The following KIAA0319L variants were observed in gnomAD, a reference collection of about 807,000 sequenced individuals.
KIAA0319L encodes dyslexia-associated protein KIAA0319-like protein.
A neutral mutation model predicts 120.1 loss-of-function variants in KIAA0319L; 55 were observed. That is an observed-to-expected ratio of 0.46 (90% CI 0.37 to 0.57). The LOEUF (loss-of-function observed/expected upper bound fraction) is 0.57. KIAA0319L is among the 20% of genes least tolerant of loss of function. The pLI, the probability that KIAA0319L is intolerant of heterozygous loss-of-function variation, is 0.00. For synonymous variants in KIAA0319L, 398 were observed against 471.9 expected, an observed-to-expected ratio of 0.84 and a Z score of 2.03; for missense variants, 1,049 against 1,255.3, an observed-to-expected ratio of 0.84 and a Z score of 2.48.
chr1:35,460,353 G>T lies in KIAA0319L; in HGVS notation c.1379C>A (p.Thr460Lys), dbSNP rs761069262. ...PLREEKISED[T>K]AILKLSKLVP... ...GAGTTTACTTAGTTTTAATATGGCT[G>T]TATCTTCAGAAATCTTCTCTTCTCT... The change falls in exon 9 of 21, where the codon ACA (threonine) becomes AAA (lysine). Residue 460 changes from threonine (T) to lysine (K), a missense_variant. Physicochemically the swap from Thr to Lys is moderately conservative, Grantham distance 78. Coordinates refer to ENST00000325722, the MANE Select transcript of KIAA0319L (RefSeq NM_024874.5). 4 of 1,612,712 alleles carry T rather than the reference G, an allele frequency of 2.5e-6. No homozygotes were observed. Among genetic ancestry groups the T allele is most frequent in the Non-Finnish European group, 3.4e-6 (4 of 1,178,904 alleles).
intron 3 of KIAA0319L, among the ~76,000 whole-genome samples, chr1:35,484,781 TATATATATATATATATATATA>T (rs1221963241): frequency 2.2e-5 from 1 of 45,458 alleles, no homozygotes; most frequent in Admixed American, 2.7e-4. Context: ...TATATATATA[TATATATATATATATATATATA>T]TATATTTTTT....
Position 35,509,153 on chromosome 1 carries a change from T to C in KIAA0319L, c.143-2018A>G, listed in dbSNP as rs1645323745. 2.0e-5 allele frequency among the ~76,000 whole-genome samples: 3 copies of C among 152,052 alleles called. 1 individual carries two copies. The South Asian group carries it at 6.2e-4, about 32-fold the overall frequency. On this transcript the variant is annotated intron_variant, in intron 2 of 20. Coordinates refer to ENST00000325722, the MANE Select transcript of KIAA0319L (RefSeq NM_024874.5). ...AAGGCAAGCATAACAGGGCAGTTGC[T>C]AAATTGAGGAGACGGAGTTCAGGGT...
At chr1:35,465,086 G>A (rs1308923661) in intron 7 of KIAA0319L, among the ~76,000 whole-genome samples, 1 of 152,238 alleles carries the variant, frequency 6.6e-6, no homozygotes, top group Non-Finnish European at 1.5e-5. Context: ...GAAATATGGG[G>A]TTGGAGGCCC....
chr1:35,480,322 G>C (rs1162789389), intron 3 of KIAA0319L, among the ~76,000 whole-genome samples: 2 of 152,196 alleles, frequency 1.3e-5, no homozygotes, highest in Non-Finnish European at 2.9e-5. Context: ...TTTAAGGGTT[G>C]TATGCAAGGA....
chr1:35,550,725 T>A lies in KIAA0319L; in HGVS notation c.142+3625A>T, dbSNP rs577364695. On this transcript the variant is annotated intron_variant, in intron 2 of 20. Transcript: ENST00000325722. ...AGCATTTTCCCGTGTACTTTTTTTT[T>A]AAATTATTAAACATTTTTTAATTCT... Among the ~76,000 whole-genome samples the A allele has an allele frequency of 1.3e-4, 20 of 152,270 alleles. No individual in the cohort carries two copies. In the East Asian group the frequency reaches 2.3e-3, roughly 18 times the overall value.
Position 35,466,696 on chromosome 1 carries a change from C to T in KIAA0319L, c.1114-1G>A. Reference sequence around the variant, plus strand: ...TGAATTCATACAGGCCTGGAGTGAGCTGCAGAAGTGAGAGAAGATCTCTTA... The same window carrying T: ...TGAATTCATACAGGCCTGGAGTGAGTTGCAGAAGTGAGAGAAGATCTCTTA... On this transcript the variant is annotated splice_acceptor_variant, in intron 6 of 20. Coordinates refer to ENST00000325722, the MANE Select transcript of KIAA0319L (RefSeq NM_024874.5). LOFTEE classifies it high-confidence loss of function. 6.2e-7 allele frequency: 1 copy of T among 1,602,106 alleles called. No homozygotes were observed. The highest frequency in any genetic ancestry group is 8.6e-7 in the Non-Finnish European group (1 of 1,169,232).
chr1:35,547,592 G>A (rs1052314857), intron 2 of KIAA0319L, among the ~76,000 whole-genome samples: 3 of 152,140 alleles, frequency 2.0e-5, no homozygotes, highest in Non-Finnish European at 4.4e-5. Flanking sequence ...GCTAGGATAT[G>A]GATGAACCTT....
At position 35,474,823 on chromosome 1, in the gene KIAA0319L, GA is replaced by G; in HGVS notation, c.996del (p.Leu333SerfsTer16). On this transcript the variant is annotated frameshift_variant, in exon 5 of 21. Coordinates refer to ENST00000325722, the MANE Select transcript of KIAA0319L (RefSeq NM_024874.5). LOFTEE classifies it high-confidence loss of function. ...PKNEVQLNAY[V>X]LQEPPKGETY... ...TGTTTACCTTTAGGTGGTTCTTGGA[GA>G]ACATATGCATTTAATTGAACTTCAT... is the stretch of plus-strand genomic sequence containing the variant. The G allele has an allele frequency of 6.2e-7, 1 of 1,602,650 alleles. No homozygotes were observed. The highest frequency in any genetic ancestry group is 8.5e-7 in the Non-Finnish European group (1 of 1,170,016).
At chr1:35,523,824 A>G (rs555857246) in intron 2 of KIAA0319L, among the ~76,000 whole-genome samples, 7 of 152,358 alleles carry the variant, frequency 4.6e-5, no homozygotes, top group Admixed American at 1.3e-4. Flanking sequence ...GTCTCAAAAT[A>G]TTCTATCTAA....
At chr1:35,531,515 T>A (rs1008381676) in intron 2 of KIAA0319L, among the ~76,000 whole-genome samples, 2 of 152,156 alleles carry the variant, frequency 1.3e-5, no homozygotes, top group Admixed American at 6.5e-5. Flanking sequence ...GGGGGATGCG[T>A]GGGACTCAGT....
chr1:35,442,783 A>T (rs1641321530), intron 18 of KIAA0319L, 123 bp downstream of exon 18: 5 of 1,228,510 alleles, frequency 4.1e-6, no homozygotes, highest in Non-Finnish European at 5.8e-6. Context: ...CTGCAAACAG[A>T]AAATACACAA....
At chr1:35,440,992 G>A in intron 20 of KIAA0319L, 55 bp downstream of exon 20, 1 of 1,359,856 alleles carries the variant, frequency 7.4e-7, no homozygotes, top group Non-Finnish European at 1.1e-6. Context: ...AGTGACAGCA[G>A]CCTTCCACAG....
At chr1:35,490,960 T>C (rs376775047) in intron 3 of KIAA0319L, among the ~76,000 whole-genome samples, 3 of 152,228 alleles carry the variant, frequency 2.0e-5, no homozygotes, top group East Asian at 1.9e-4. Flanking sequence ...CCTTCCACCA[T>C]GATTGTAAGT....
At chr1:35,522,803 G>A (rs1645978307) in intron 2 of KIAA0319L, among the ~76,000 whole-genome samples, 1 of 151,458 alleles carries the variant, frequency 6.6e-6, no homozygotes, top group Non-Finnish European at 1.5e-5. Context: ...GGATCATGAG[G>A]TCAGGAGATT....
chr1:35,440,979 G>T, intron 20 of KIAA0319L, 68 bp downstream of exon 20: 1 of 1,183,706 alleles, frequency 8.4e-7, no homozygotes, highest in Non-Finnish European at 1.3e-6. Context: ...CTCAGGAGGG[G>T]CTAGTGACAG....
intron 3 of KIAA0319L, among the ~76,000 whole-genome samples, chr1:35,488,758 A>T (rs1166614141): frequency 6.6e-6 from 1 of 152,238 alleles, no homozygotes; most frequent in Non-Finnish European, 1.5e-5. Context: ...AATTGCAACC[A>T]GTATGAAATA....
intron 14 of KIAA0319L, 85 bp downstream of exon 14, chr1:35,450,273 A>G (rs2149088245): frequency 7.2e-7 from 1 of 1,383,540 alleles, no homozygotes; most frequent in Non-Finnish European, 1.0e-6. Context: ...GATATAAGGG[A>G]CCACTTGATT....
intron 2 of KIAA0319L, among the ~76,000 whole-genome samples, chr1:35,529,250 G>C (rs1177980296): frequency 6.6e-6 from 1 of 152,146 alleles, no homozygotes. Flanking sequence ...TACATTCAAG[G>C]TTATTATTGA....
At chr1:35,459,155 T>C (rs554765818) in intron 9 of KIAA0319L, among the ~76,000 whole-genome samples, 26 of 152,254 alleles carry the variant, frequency 1.7e-4, no homozygotes, top group African/African-American at 6.0e-4. Context: ...TTCTCTCCTG[T>C]CTGGAGGGAT....
Sources: allele counts gnomAD v4.1 joint callset (sites outside exome capture counted in the v4.1 genomes callset), GRCh38; gene constraint gnomAD v4.1.1; transcripts MANE v1.5; gene names NCBI Gene and HGNC (gene_info 2026-07-23, HGNC 2026-07-21).